Variants in FSTL5 observed in about 807,000 individuals in gnomAD.
FSTL5 encodes the protein follistatin like 5.
In FSTL5, 62 loss-of-function variants were observed where a neutral mutation model predicts 89.1. The ratio of observed to expected loss-of-function variants is 0.70; its 90% CI spans 0.57 to 0.86. FSTL5 has a LOEUF of 0.86. Ranked by LOEUF, FSTL5 falls within the 40% of genes least tolerant of loss-of-function variation. The pLI, the probability that FSTL5 is intolerant of heterozygous loss-of-function variation, is 0.00. For synonymous variants in FSTL5, 383 were observed against 346.2 expected, an observed-to-expected ratio of 1.11 and a Z score of -1.18; for missense variants, 1,057 against 1,001.6, an observed-to-expected ratio of 1.06 and a Z score of -0.75.
intron 6 of FSTL5, among the ~76,000 whole-genome samples, chr4:161,729,783 G>T (rs189659196): frequency 7.7e-4 from 117 of 152,266 alleles, no homozygotes; most frequent in Middle Eastern, 3.4e-3. Flanking sequence ...ACTCGTTTAT[G>T]ATTAAAACTG....
intron 8 of FSTL5, among the ~76,000 whole-genome samples, chr4:161,546,589 C>G (rs1265494714): frequency 6.6e-6 from 1 of 151,732 alleles, no homozygotes; most frequent in Non-Finnish European, 1.5e-5. Flanking sequence ...ACATTATAGA[C>G]AGCTTTATGC....
intron 4 of FSTL5, among the ~76,000 whole-genome samples, chr4:161,802,311 C>A (rs970075065): frequency 6.6e-6 from 1 of 151,554 alleles, no homozygotes; most frequent in African/African-American, 2.4e-5. Context: ...TCTAACCAGT[C>A]AATATAAAGG....
chr4:161,926,482 G>A (rs1270899659), intron 3 of FSTL5, among the ~76,000 whole-genome samples: 3 of 147,832 alleles, frequency 2.0e-5, no homozygotes, highest in Non-Finnish European at 4.5e-5. Flanking sequence ...CAGGTAATTT[G>A]CACCCATCCA....
chr4:161,635,674 G>A (rs1168896434), intron 7 of FSTL5, among the ~76,000 whole-genome samples: 1 of 152,118 alleles, frequency 6.6e-6, no homozygotes, highest in Admixed American at 6.5e-5. Flanking sequence ...ATAAGTAAAA[G>A]AGGGATGGCT....
intron 7 of FSTL5, among the ~76,000 whole-genome samples, chr4:161,647,261 T>C (rs568325306): frequency 6.6e-6 from 1 of 152,334 alleles, no homozygotes. Flanking sequence ...GAGATGATAC[T>C]TTCTCCACTG....
intron 6 of FSTL5, among the ~76,000 whole-genome samples, chr4:161,697,661 A>G (rs557117704): frequency 1.7e-4 from 26 of 152,296 alleles, no homozygotes; most frequent in African/African-American, 6.3e-4. Context: ...ATGGAATACT[A>G]TTCATCCATA....
chr4:162,041,202 TAAAAAAAA>T (rs5863513), intron 2 of FSTL5, among the ~76,000 whole-genome samples: 5 of 97,776 alleles, frequency 5.1e-5, no homozygotes, highest in Non-Finnish European at 1.0e-4. Context: ...GATGAGATGG[TAAAAAAAA>T]AAAAAAAAAA....
intron 7 of FSTL5, among the ~76,000 whole-genome samples, chr4:161,620,954 A>T (rs1278659630): frequency 6.6e-6 from 1 of 151,238 alleles, no homozygotes; most frequent in Admixed American, 6.6e-5. Context: ...AATTGGTATC[A>T]CTCCTCCCTC....
chr4:161,861,267 A>G (rs1731902599), intron 4 of FSTL5, among the ~76,000 whole-genome samples: 1 of 152,156 alleles, frequency 6.6e-6, no homozygotes, highest in Non-Finnish European at 1.5e-5. Context: ...TACTAAAAAT[A>G]CAAAAAATAG....
intron 5 of FSTL5, among the ~76,000 whole-genome samples, chr4:161,769,982 A>G (rs1741151632): frequency 6.6e-6 from 1 of 152,012 alleles, no homozygotes; most frequent in South Asian, 2.1e-4. Context: ...CAACAGATGA[A>G]TGGATAAAGA....
chr4:161,561,916 C>T lies in FSTL5; in HGVS notation c.1016-19223G>A, dbSNP rs904377946. The stretch of plus-strand genomic sequence containing the variant: ...CACACATTGTTGCAAAGCTAAGGCA[C>T]GTGTTGTAGGTGTGGAACAACAGTC... On this transcript the variant is annotated intron_variant, in intron 8 of 15. Transcript: ENST00000306100. Among the ~76,000 whole-genome samples the T allele has an allele frequency of 2.6e-5, 4 of 152,060 alleles. 1 individual carries two copies. The South Asian group carries it at 8.3e-4, about 32-fold the overall frequency.
At chr4:161,980,345 C>T (rs192291871) in intron 3 of FSTL5, among the ~76,000 whole-genome samples, 19 of 152,080 alleles carry the variant, frequency 1.2e-4, no homozygotes, top group Admixed American at 3.3e-4. Context: ...TATCAAGAGA[C>T]GGAAGGATTT....
chr4:162,010,723 T>C (rs1736741787), intron 3 of FSTL5, among the ~76,000 whole-genome samples: 1 of 152,238 alleles, frequency 6.6e-6, no homozygotes, highest in African/African-American at 2.4e-5. Context: ...GTTTGGCTTC[T>C]TTCACTTTGT....
intron 3 of FSTL5, among the ~76,000 whole-genome samples, chr4:161,959,244 G>A (rs926379265): frequency 5.9e-5 from 9 of 152,022 alleles, no homozygotes; most frequent in Admixed American, 3.9e-4. Flanking sequence ...AACATTTATT[G>A]TGTTACGATG....
chr4:162,025,666 C>A (rs1402297565), intron 3 of FSTL5, among the ~76,000 whole-genome samples: 6 of 151,810 alleles, frequency 4.0e-5, no homozygotes, highest in Non-Finnish European at 8.8e-5. Flanking sequence ...TACTTATTGT[C>A]TAAGTAATTC....
chr4:162,028,336 G>T (rs7697750), intron 3 of FSTL5, among the ~76,000 whole-genome samples: 66,061 of 151,992 alleles, frequency 0.43, 15,163 homozygotes, highest in African/African-American at 0.56. Flanking sequence ...CAGCACTTTG[G>T]GAAGGTGAGG....
chr4:161,498,450 T>G (rs2126481339), intron 12 of FSTL5, among the ~76,000 whole-genome samples: 1 of 152,260 alleles, frequency 6.6e-6, no homozygotes, highest in Admixed American at 6.5e-5. Flanking sequence ...TACCCTGAAA[T>G]AGCACACATG....
intron 11 of FSTL5, among the ~76,000 whole-genome samples, chr4:161,502,661 ATT>A (rs1730337509): frequency 6.6e-6 from 1 of 151,834 alleles, no homozygotes; most frequent in African/African-American, 2.4e-5. Flanking sequence ...AAGACTAGAT[ATT>A]TTGCCATTTA....
chr4:162,092,309 G>T (rs1005453650), intron 2 of FSTL5, among the ~76,000 whole-genome samples: 1 of 151,946 alleles, frequency 6.6e-6, no homozygotes, highest in Non-Finnish European at 1.5e-5. Flanking sequence ...TTATACACCT[G>T]GAATTCCTTC....
Sources: gnomAD v4.1 joint callset for allele counts (sites outside exome capture counted in the v4.1 genomes callset) on GRCh38, gnomAD v4.1.1 for gene constraint, MANE v1.5 for transcripts, NCBI Gene and HGNC (gene_info 2026-07-23, HGNC 2026-07-21) for gene names.